ZBTB1: variants seen among roughly 807,000 people sequenced by gnomAD.
ZBTB1 encodes zinc finger and BTB domain containing 1.
Under a neutral mutation model 51.6 loss-of-function variants are expected in ZBTB1, and 13 were observed. The ratio of observed to expected loss-of-function variants is 0.25; its 90% CI spans 0.16 to 0.40. ZBTB1 has a LOEUF of 0.40. Among genes scored for constraint, ZBTB1 ranks in the 10% least tolerant of loss-of-function variants. The pLI is 1.00. For synonymous variants in ZBTB1, 240 were observed against 282.2 expected, an observed-to-expected ratio of 0.85 and a Z score of 1.50; for missense variants, 567 against 856.5, an observed-to-expected ratio of 0.66 and a Z score of 4.22.
chr14:64,507,884 C>T (rs980369887), intron 1 of ZBTB1, among the ~76,000 whole-genome samples: 3 of 152,128 alleles, frequency 2.0e-5, no homozygotes, highest in African/African-American at 7.2e-5. Context: ...GGTATACTTG[C>T]CATGAAGACC....
rs556207583 is a variant in ZBTB1, at chr14:64,520,525, T to C, written c.-18-962T>C. ...TTTTGTTTTTAAGGCGAGATCTTGC[T>C]ATGTTGCCCAGGCTTAATAGGGTTT... On this transcript the variant is annotated intron_variant, in intron 1 of 1. Transcript: ENST00000683701. Among the ~76,000 whole-genome samples the C allele has an allele frequency of 5.3e-5, 8 of 152,254 alleles. 1 individual carries two copies. Among genetic ancestry groups the C allele is most frequent in the Middle Eastern group, 3.4e-3 (1 of 294 alleles).
chr14:64,525,413 TTAAAA>T (rs542377359), downstream of ZBTB1, among the ~76,000 whole-genome samples: 390 of 152,284 alleles, frequency 2.6e-3, 5 homozygotes, highest in East Asian at 0.015. Context: ...GAAATCCAAC[TTAAAA>T]TGAAATGTGG....
At position 64,522,559 on chromosome 14, in the gene ZBTB1, G is replaced by A. The variant is rs374621442; in HGVS notation, c.1055G>A (p.Cys352Tyr). The A allele has an allele frequency of 1.8e-5, 29 of 1,613,790 alleles. No homozygotes were observed. The highest frequency in any genetic ancestry group is 1.6e-4 in the Middle Eastern group (1 of 6,084). The change falls in exon 2 of 2, where the codon TGT becomes TAT. Residue 352 changes from cysteine (C) to tyrosine (Y), a missense_variant. Around this residue, in one of 5 missense-constraint regions of ZBTB1, gnomAD observed 329 missense variants for 406.3 expected, o/e 0.81. Transcript: ENST00000683701. ...FNIIKVTDKD[C>Y]NESTDNDELE... Reference sequence around the variant, plus strand: ...ATTATTAAAGTTACTGATAAAGACTGTAATGAATCCACTGACAATGATGAA... The same window carrying A: ...ATTATTAAAGTTACTGATAAAGACTATAATGAATCCACTGACAATGATGAA...
chr14:64,520,255 G>C lies in ZBTB1; in HGVS notation c.-18-1232G>C, dbSNP rs532997286. On this transcript the variant is annotated intron_variant, in intron 1 of 1. Coordinates refer to ENST00000683701, the MANE Select transcript of ZBTB1 (RefSeq NM_001123329.2). ...CCTGACCTCGTGATCCGCCCGCCTC[G>C]GCCTCCCAAAGTGCTGGGATTACAG... 3.9e-5 allele frequency among the ~76,000 whole-genome samples: 6 copies of C among 152,080 alleles called. No individual in the cohort carries two copies. The East Asian group carries it at 9.7e-4, about 24-fold the overall frequency.
In ZBTB1 at chr14:64,524,517, T is replaced by C; in HGVS notation, c.*871T>C. On this transcript the variant is annotated 3_prime_UTR_variant, in exon 2 of 2. Transcript: ENST00000683701. ...ATTTTTGTTTATAAATAGACTTTAATAGCTCTCTAAGAATATGACCTCTAA... is the reference window on the plus strand; with the variant it reads ...ATTTTTGTTTATAAATAGACTTTAACAGCTCTCTAAGAATATGACCTCTAA... 2 of 969,420 alleles carry C rather than the reference T, an allele frequency of 2.1e-6. No homozygotes were observed. Among genetic ancestry groups the C allele is most frequent in the South Asian group, 9.5e-5 (2 of 20,982 alleles). The allele number at this position is 969,420 out of a possible 1,614,324, so 60.1% of individuals were successfully genotyped here.
At chr14:64,504,094 G>C (rs1338601661), upstream of ZBTB1, 1 of 152,342 alleles carries the variant, frequency 6.6e-6, no homozygotes, top group Non-Finnish European at 1.5e-5. Flanking sequence ...GGGTGAAGGT[G>C]GGGGTGGGGA....
At chr14:64,507,553 C>G (rs1190460366) in intron 1 of ZBTB1, among the ~76,000 whole-genome samples, 1 of 152,218 alleles carries the variant, frequency 6.6e-6, no homozygotes, top group African/African-American at 2.4e-5. Context: ...GTGCCTCACT[C>G]TGCCTGGGGA....
chr14:64,507,596 T>G (rs1297820535), intron 1 of ZBTB1, among the ~76,000 whole-genome samples: 1 of 152,212 alleles, frequency 6.6e-6, no homozygotes, highest in Non-Finnish European at 1.5e-5. Context: ...TCATGTTCTC[T>G]GTTCACATTA....
At chr14:64,505,077 G>C (rs1303423712) in intron 1 of ZBTB1, 131 bp downstream of exon 1, 2 of 362,446 alleles carry the variant, frequency 5.5e-6, no homozygotes, top group Non-Finnish European at 9.8e-6. Flanking sequence ...CGCGGCGGAC[G>C]CGCTGCGAGG....
downstream of ZBTB1, among the ~76,000 whole-genome samples, chr14:64,528,934 T>C (rs533280850): frequency 1.9e-4 from 29 of 152,292 alleles, no homozygotes; most frequent in African/African-American, 6.7e-4. Flanking sequence ...TATCAAGAAG[T>C]ACAAAGAAGG....
intron 1 of ZBTB1, among the ~76,000 whole-genome samples, chr14:64,519,623 C>CA (rs1301047170): frequency 2.9e-4 from 41 of 139,758 alleles, no homozygotes; most frequent in Middle Eastern, 3.7e-3. Flanking sequence ...AAAAAAAAAA[C>CA]AAAAAAAAAC....
At position 64,523,090 on chromosome 14, in the gene ZBTB1, A is replaced by G. The variant is rs553950691; in HGVS notation, c.1586A>G (p.His529Arg). Residue 529 changes from histidine (H) to arginine (R), a missense_variant, in exon 2 of 2, where the codon CAT (histidine) becomes CGT (arginine). Coordinates refer to ENST00000683701, the MANE Select transcript of ZBTB1 (RefSeq NM_001123329.2). This position sits in a 1 kb window ranked among gnomAD's most constrained non-coding sequence, Gnocchi z 4.5. The stretch of plus-strand genomic sequence containing the variant: ...ATCCAAAAAAAGCAGTTATTTAAAC[A>G]TTCTGCCTGCCCTTTTCGATGTCCT... The part of the protein sequence containing the change: ...NSIQKKQLFK[H>R]SACPFRCPNC... The G allele has an allele frequency of 6.2e-7, 1 of 1,614,226 alleles. No homozygotes were observed. The highest frequency in any genetic ancestry group is 1.1e-5 in the South Asian group (1 of 91,090).
At chr14:64,520,113 C>T (rs186362740) in intron 1 of ZBTB1, among the ~76,000 whole-genome samples, 41 of 152,070 alleles carry the variant, frequency 2.7e-4, no homozygotes, top group Admixed American at 2.3e-3. Flanking sequence ...GCCAGTCTCC[C>T]GCCTCAGCCT....
intron 2 of ZBTB1, among the ~76,000 whole-genome samples, chr14:64,529,998 A>T (rs966299192): frequency 6.6e-6 from 1 of 152,224 alleles, no homozygotes; most frequent in Non-Finnish European, 1.5e-5. Flanking sequence ...CAAATGAAAG[A>T]TAATTTCAGG....
chr14:64,511,848 A>T (rs1343513198), intron 1 of ZBTB1, among the ~76,000 whole-genome samples: 3 of 152,318 alleles, frequency 2.0e-5, no homozygotes, highest in South Asian at 2.1e-4. Flanking sequence ...GTTTCAGCAA[A>T]ACATAATTGT....
rs1431650577 is a variant in ZBTB1 at position 64,522,480 on chromosome 14, A to G, written c.976A>G (p.Ile326Val). The G allele has an allele frequency of 6.2e-7, 1 of 1,614,118 alleles. No homozygotes were observed. Among genetic ancestry groups the G allele is most frequent in the South Asian group, 1.1e-5 (1 of 91,074 alleles). ...KSRAAERKRI[I>V]IKMEPEDIPT... Reference sequence around the variant, plus strand: ...CAGAGCTGCTGAGAGGAAAAGGATTATTATTAAGATGGAGCCAGAAGATAT... The same window carrying G: ...CAGAGCTGCTGAGAGGAAAAGGATTGTTATTAAGATGGAGCCAGAAGATAT... Residue 326 changes from isoleucine (I) to valine (V), a missense_variant, in exon 2 of 2, where the codon ATT becomes GTT. Ile to Val is a conservative substitution (Grantham distance 29). Coordinates refer to ENST00000683701, the MANE Select transcript of ZBTB1 (RefSeq NM_001123329.2).
chr14:64,528,384 C>G (rs2079920203), downstream of ZBTB1, among the ~76,000 whole-genome samples: 2 of 101,296 alleles, frequency 2.0e-5, no homozygotes, highest in Admixed American at 2.4e-4. Flanking sequence ...CTATTTTGAT[C>G]AGTTAGTTCC....
At chr14:64,519,007 A>G (rs938245622) in intron 1 of ZBTB1, among the ~76,000 whole-genome samples, 1 of 148,636 alleles carries the variant, frequency 6.7e-6, no homozygotes, top group African/African-American at 2.5e-5. Flanking sequence ...TAGGTACTCA[A>G]TATGCTAACT....
In ZBTB1 at chr14:64,523,811, G is replaced by A; in HGVS notation, c.*165G>A. On this transcript the variant is annotated 3_prime_UTR_variant, in exon 2 of 2. Coordinates refer to ENST00000683701, the MANE Select transcript of ZBTB1 (RefSeq NM_001123329.2). The surrounding 1 kb of genome is among the most constrained non-coding windows in gnomAD (Gnocchi z 4.5). ...TTAGGATTTTAAGTATCTACATTTA[G>A]GTATTAAATGTTTATCATTTTTGTT... 1.6e-6 allele frequency: 2 copies of A among 1,287,368 alleles called. No homozygotes were observed. The highest frequency in any genetic ancestry group is 2.6e-5 in the South Asian group (1 of 38,236). The allele number at this position is 1,287,368 out of a possible 1,614,324, so 79.7% of individuals were successfully genotyped here.
Sources: gnomAD v4.1 joint callset for allele counts (sites outside exome capture counted in the v4.1 genomes callset) on GRCh38, gnomAD v4.1.1 for gene constraint, gnomAD v4.1.1 regional missense constraint, Gnocchi (gnomAD v3.1) non-coding constraint, MANE v1.5 for transcripts, NCBI Gene and HGNC (gene_info 2026-07-23, HGNC 2026-07-21) for gene names.